The following CORIN variants were observed in gnomAD, a reference collection of about 807,000 sequenced individuals.
The protein encoded by CORIN is atrial natriuretic peptide-converting enzyme.
In CORIN, 117 loss-of-function variants were observed where a neutral mutation model predicts 125.3. The observed-to-expected ratio is 0.93, with a 90% CI of 0.80 to 1.09. The LOEUF (loss-of-function observed/expected upper bound fraction) is 1.09, where lower values mean the gene tolerates loss of function less well. Ranked by LOEUF, CORIN falls within the 50% of genes least tolerant of loss-of-function variation. CORIN has a pLI of 0.00. For synonymous variants in CORIN, 450 were observed against 466.4 expected (o/e 0.96, Z 0.45); for missense variants, 1,253 against 1,306.7 (o/e 0.96, Z 0.63).
At position 47,740,345 on chromosome 4, in the gene CORIN, C is replaced by G. The variant is rs193202164; in HGVS notation, c.799+4057G>C. ...TTGTATTTCCCTTTTAATCTTCTACCTAGTTCTACTCATTATTGACAGTGG... is the reference window on the plus strand; with the variant it reads ...TTGTATTTCCCTTTTAATCTTCTACGTAGTTCTACTCATTATTGACAGTGG... On this transcript the variant is annotated intron_variant, in intron 5 of 21. Coordinates refer to ENST00000273857, the MANE Select transcript of CORIN (RefSeq NM_006587.4). Among the ~76,000 whole-genome samples the G allele has an allele frequency of 1.2e-3, 180 of 151,860 alleles. 3 individuals carry two copies. Among genetic ancestry groups the G allele is most frequent in the Admixed American group, 0.01 (155 of 15,262 alleles).
chr4:47,754,558 A>T (rs1459195217), intron 4 of CORIN, among the ~76,000 whole-genome samples: 1 of 152,104 alleles, frequency 6.6e-6, no homozygotes, highest in Non-Finnish European at 1.5e-5. Flanking sequence ...AATTTGGGAC[A>T]TATGTAACTT....
rs1036953341 is a variant in CORIN, at chr4:47,599,059, T to C, written c.2946+1155A>G. Among the ~76,000 whole-genome samples, 6 of 152,162 alleles carry C rather than the reference T, an allele frequency of 3.9e-5. No individual in the cohort carries two copies. In the South Asian group the frequency reaches 1.0e-3, roughly 26 times the overall value. On this transcript the variant is annotated intron_variant, in intron 21 of 21. Transcript: ENST00000273857. ...TACTGGTCTCACTGGCAGAGATGAA[T>C]TCCAACCCAGATATTTCAGGCTTCA...
chr4:47,625,215 C>T (rs1560477775), intron 17 of CORIN, among the ~76,000 whole-genome samples: 1 of 152,120 alleles, frequency 6.6e-6, no homozygotes, highest in Non-Finnish European at 1.5e-5. Context: ...TACATCCCCT[C>T]AAAGCCTAAT....
chr4:47,623,798 T>C, intron 18 of CORIN, 53 bp from the exon 19 acceptor site: 1 of 1,596,934 alleles, frequency 6.3e-7, no homozygotes, highest in Non-Finnish European at 8.6e-7. Flanking sequence ...CCTTGCTAAA[T>C]GCTTAGCTCT....
At chr4:47,669,771 A>T (rs748997788) in intron 10 of CORIN, among the ~76,000 whole-genome samples, 2 of 152,020 alleles carry the variant, frequency 1.3e-5, no homozygotes, top group African/African-American at 4.8e-5. Flanking sequence ...GGGTTTCACC[A>T]TGTTAGCCAG....
chr4:47,637,551 G>T (rs1560483323), intron 16 of CORIN, among the ~76,000 whole-genome samples: 1 of 152,212 alleles, frequency 6.6e-6, no homozygotes, highest in Admixed American at 6.5e-5. Flanking sequence ...AGCCATGACA[G>T]CTATGACTAA....
At chr4:47,780,223 C>T (rs532516704) in intron 3 of CORIN, among the ~76,000 whole-genome samples, 2 of 150,838 alleles carry the variant, frequency 1.3e-5, no homozygotes, top group East Asian at 3.9e-4. Flanking sequence ...TGAATATTAT[C>T]CTGTGTACAT....
At chr4:47,758,760 T>C (rs972360889) in intron 4 of CORIN, among the ~76,000 whole-genome samples, 5 of 152,334 alleles carry the variant, frequency 3.3e-5, no homozygotes, top group Admixed American at 3.3e-4. Flanking sequence ...CTGATGGTTT[T>C]ATAAGGGGCT....
chr4:47,808,062 G>A (rs1731871218), intron 1 of CORIN, among the ~76,000 whole-genome samples: 1 of 152,148 alleles, frequency 6.6e-6, no homozygotes, highest in African/African-American at 2.4e-5. Flanking sequence ...GTGGGTAGCA[G>A]CGTCTCTTTT....
intron 19 of CORIN, 60 bp from the exon 20 acceptor site, chr4:47,603,728 A>G: frequency 5.2e-6 from 8 of 1,547,254 alleles, no homozygotes; most frequent in Non-Finnish European, 7.0e-6. Context: ...TGTGAAATTC[A>G]CATGTAATTT....
chr4:47,706,847 A>G, intron 5 of CORIN: 1 of 1,598,540 alleles, frequency 6.3e-7, no homozygotes, highest in East Asian at 2.2e-5. Flanking sequence ...CCACAAGCAC[A>G]GGGAGATGCG....
rs748214454 is a variant in CORIN, at chr4:47,786,711, A to T, written c.409+14T>A. The T allele has an allele frequency of 6.2e-7, 1 of 1,606,558 alleles. No individual in the cohort carries two copies. The highest frequency in any genetic ancestry group is 8.5e-7 in the Non-Finnish European group (1 of 1,173,384). On this transcript the variant is annotated intron_variant, in intron 3 of 21. Transcript: ENST00000273857. ...ACATTAAAAGCCTCTAGCATGTATC[A>T]CCTTTGGACTTACTTGTATTCCTGT...
intron 3 of CORIN, among the ~76,000 whole-genome samples, chr4:47,767,655 TA>T (rs745518800): frequency 1.3e-5 from 2 of 152,186 alleles, no homozygotes; most frequent in African/African-American, 2.4e-5. Context: ...GACTGTCTCC[TA>T]TGAGCCAAGA....
intron 5 of CORIN, among the ~76,000 whole-genome samples, chr4:47,716,941 C>T (rs1727118031): frequency 6.6e-6 from 1 of 151,956 alleles, no homozygotes. Context: ...ACATTCATTA[C>T]AATGGAAAGT....
chr4:47,779,031 A>G (rs375162176), intron 3 of CORIN, among the ~76,000 whole-genome samples: 15 of 152,362 alleles, frequency 9.8e-5, no homozygotes, highest in African/African-American at 2.9e-4. Context: ...TCCATTTCCA[A>G]TAACACCCAA....
chr4:47,686,548 T>C (rs1725525413), intron 6 of CORIN, among the ~76,000 whole-genome samples: 1 of 152,204 alleles, frequency 6.6e-6, no homozygotes, highest in South Asian at 2.1e-4. Flanking sequence ...GGAAAGGTTA[T>C]GACACTGGTT....
intron 1 of CORIN, among the ~76,000 whole-genome samples, chr4:47,828,053 CTG>C (rs1378209952): frequency 1.3e-5 from 2 of 152,186 alleles, no homozygotes; most frequent in African/African-American, 4.8e-5. Flanking sequence ...CAGAGGGTCA[CTG>C]TAAGAAGAAT....
At chr4:47,647,459 A>G (rs1723539727) in intron 13 of CORIN, among the ~76,000 whole-genome samples, 1 of 152,220 alleles carries the variant, frequency 6.6e-6, no homozygotes, top group South Asian at 2.1e-4. Flanking sequence ...ATGATGAAAT[A>G]CCACAGAAAT....
chr4:47,786,705 T>C lies in CORIN; in HGVS notation c.409+20A>G. 6.3e-7 allele frequency: 1 copy of C among 1,598,180 alleles called. No individual in the cohort carries two copies. The highest frequency in any genetic ancestry group is 8.6e-7 in the Non-Finnish European group (1 of 1,165,524). On this transcript the variant is annotated intron_variant, in intron 3 of 21. Transcript: ENST00000273857. Reference sequence around the variant, plus strand: ...TGTGGGACATTAAAAGCCTCTAGCATGTATCACCTTTGGACTTACTTGTAT... The same window carrying C: ...TGTGGGACATTAAAAGCCTCTAGCACGTATCACCTTTGGACTTACTTGTAT...
Sources: allele counts gnomAD v4.1 joint callset (sites outside exome capture counted in the v4.1 genomes callset), GRCh38; gene constraint gnomAD v4.1.1; transcripts MANE v1.5; gene names NCBI Gene and HGNC (gene_info 2026-07-23, HGNC 2026-07-21).